Variants in IFT88 observed in about 807,000 individuals in gnomAD.
IFT88 encodes the protein intraflagellar transport protein 88 homolog.
Under a neutral mutation model 119.5 loss-of-function variants are expected in IFT88, and 74 were observed. The ratio of observed to expected loss-of-function variants is 0.62; its 90% CI spans 0.51 to 0.75. The LOEUF is 0.75. Among genes scored for constraint, IFT88 ranks in the 30% least tolerant of loss-of-function variants. The probability of loss-of-function intolerance (pLI) is 0.00; values close to 1 mark genes in which losing one functional copy is unlikely to be tolerated. For synonymous variants in IFT88, 279 were observed against 316.7 expected, an observed-to-expected ratio of 0.88 and a Z score of 1.26; for missense variants, 961 against 977.7, an observed-to-expected ratio of 0.98 and a Z score of 0.23.
Position 20,597,056 on chromosome 13 carries a change from C to A in IFT88, c.531C>A (p.Val177=). 1 of 1,608,226 alleles carries A rather than the reference C, an allele frequency of 6.2e-7. No individual in the cohort carries two copies. The highest frequency in any genetic ancestry group is 8.5e-7 in the Non-Finnish European group (1 of 1,177,156). The change falls in exon 9 of 26, where the codon GTC becomes GTA. Residue 177 remains valine, a synonymous_variant. Transcript: ENST00000351808. ...AAGATGCAGGAAGAAAAGAGAGAGT[C>A]CTGGTGAGACAGCGAGAACAAGTTA... The part of the protein sequence containing the change: ...KAKDAGRKER[V]LVRQREQVTT...
In IFT88 at chr13:20,601,895, C is replaced by T. The variant is rs774983378; in HGVS notation, c.1003C>T (p.Pro335Ser). 7 of 1,604,656 alleles carry T rather than the reference C, an allele frequency of 4.4e-6. No individual in the cohort carries two copies. Among genetic ancestry groups the T allele is most frequent in the Non-Finnish European group, 5.1e-6 (6 of 1,171,688 alleles). ...KKAFQKLITVPLEIDEDKYIS... is the reference protein window; with the variant it reads ...KKAFQKLITVSLEIDEDKYIS... The stretch of plus-strand genomic sequence containing the variant: ...GGCATTCCAAAAATTGATTACTGTT[C>T]CATTAGAAATTGATGAAGATAAATA... The change falls in exon 12 of 26, where the codon CCA (proline) becomes TCA (serine). Residue 335 changes from proline to serine, a missense_variant. Pro to Ser is a moderately conservative substitution (Grantham distance 74). Transcript: ENST00000351808.
chr13:20,604,018 A>G (rs1178207691), intron 12 of IFT88, among the ~76,000 whole-genome samples: 2 of 152,198 alleles, frequency 1.3e-5, no homozygotes, highest in Non-Finnish European at 2.9e-5. Flanking sequence ...TTGTGATCAC[A>G]ACATTGCTCT....
At chr13:20,664,505 G>C (rs983169138) in intron 23 of IFT88, among the ~76,000 whole-genome samples, 2 of 152,154 alleles carry the variant, frequency 1.3e-5, no homozygotes, top group African/African-American at 4.8e-5. Flanking sequence ...AACACTGTGA[G>C]CCCCATAATG....
At chr13:20,674,439 A>G (rs1016672573) in intron 24 of IFT88, among the ~76,000 whole-genome samples, 3 of 151,918 alleles carry the variant, frequency 2.0e-5, no homozygotes, top group African/African-American at 7.3e-5. Context: ...GCATTTTGTG[A>G]CTTATTTTGA....
intron 22 of IFT88, among the ~76,000 whole-genome samples, chr13:20,657,191 A>G (rs34671979): frequency 0.012 from 1,796 of 152,348 alleles, 12 homozygotes; most frequent in South Asian, 0.035. Flanking sequence ...ATTTTAAAAC[A>G]TTATGTTAAT....
chr13:20,572,730 C>T (rs891620613), intron 1 of IFT88, among the ~76,000 whole-genome samples: 1 of 152,154 alleles, frequency 6.6e-6, no homozygotes, highest in African/African-American at 2.4e-5. Context: ...AGATACAGAA[C>T]ATTTATCATC....
chr13:20,576,825 C>T (rs2138062554), intron 2 of IFT88, among the ~76,000 whole-genome samples: 1 of 152,196 alleles, frequency 6.6e-6, no homozygotes, highest in Non-Finnish European at 1.5e-5. Flanking sequence ...TCTTTTTGCT[C>T]AGGACAGCTT....
intron 24 of IFT88, among the ~76,000 whole-genome samples, chr13:20,672,233 A>G (rs1197091459): frequency 6.6e-6 from 1 of 152,170 alleles, no homozygotes; most frequent in African/African-American, 2.4e-5. Context: ...GTAGGCAGTT[A>G]CAGCCATCAG....
chr13:20,670,695 G>C (rs2055666781), intron 23 of IFT88, among the ~76,000 whole-genome samples: 1 of 151,678 alleles, frequency 6.6e-6, no homozygotes, highest in African/African-American at 2.4e-5. Flanking sequence ...AGAAAATACT[G>C]TTTAGTTTTG....
intron 24 of IFT88, among the ~76,000 whole-genome samples, chr13:20,685,248 G>A (rs1372479893): frequency 2.6e-5 from 4 of 152,102 alleles, no homozygotes; most frequent in Non-Finnish European, 5.9e-5. Flanking sequence ...TTCCGCTCCC[G>A]GGGGTGGGGG....
At chr13:20,593,072 G>A (rs1364120170) in intron 7 of IFT88, among the ~76,000 whole-genome samples, 1 of 152,038 alleles carries the variant, frequency 6.6e-6, no homozygotes, top group African/African-American at 2.4e-5. Flanking sequence ...GACATTTCAA[G>A]GGAAAAAATT....
At chr13:20,636,319 G>T (rs1345137572) in intron 16 of IFT88, among the ~76,000 whole-genome samples, 1 of 152,192 alleles carries the variant, frequency 6.6e-6, no homozygotes, top group Non-Finnish European at 1.5e-5. Context: ...CACCATCTGA[G>T]AATCTTGTGC....
chr13:20,643,091 G>A (rs1945178113), intron 18 of IFT88, among the ~76,000 whole-genome samples: 1 of 150,802 alleles, frequency 6.6e-6, no homozygotes, highest in African/African-American at 2.4e-5. Flanking sequence ...AAAAACACAT[G>A]GAAATAATTT....
intron 16 of IFT88, among the ~76,000 whole-genome samples, chr13:20,634,794 ATTTC>A (rs928233251): frequency 2.0e-4 from 18 of 91,346 alleles, no homozygotes; most frequent in African/African-American, 6.0e-4. Context: ...TGATCCAAAG[ATTTC>A]TTTATTTTTT....
At chr13:20,647,377 G>T (rs2050910756) in intron 20 of IFT88, among the ~76,000 whole-genome samples, 1 of 152,092 alleles carries the variant, frequency 6.6e-6, no homozygotes, top group Non-Finnish European at 1.5e-5. Context: ...AGAAGTGAGA[G>T]TATTAGTTCT....
intron 15 of IFT88, among the ~76,000 whole-genome samples, chr13:20,629,994 A>G (rs547602869): frequency 5.3e-4 from 80 of 152,266 alleles, no homozygotes; most frequent in Admixed American, 1.3e-3. Flanking sequence ...CTTGGTTAGG[A>G]TTATCTCAGA....
intron 16 of IFT88, among the ~76,000 whole-genome samples, chr13:20,633,932 T>C (rs150262484): frequency 6.6e-6 from 1 of 152,340 alleles, no homozygotes; most frequent in Non-Finnish European, 1.5e-5. Context: ...CCCAGTGAGC[T>C]GGGTTCACCT....
chr13:20,664,412 A>G (rs1413298140), intron 23 of IFT88, among the ~76,000 whole-genome samples: 1 of 152,174 alleles, frequency 6.6e-6, no homozygotes, highest in Non-Finnish European at 1.5e-5. Flanking sequence ...TACATTGTAC[A>G]TTCATTAGTG....
At chr13:20,589,289 C>T (rs1054808439) in intron 3 of IFT88, among the ~76,000 whole-genome samples, 1 of 152,182 alleles carries the variant, frequency 6.6e-6, no homozygotes, top group Non-Finnish European at 1.5e-5. Context: ...TTCTGCCTAA[C>T]AACTAACATT....
Sources: gnomAD v4.1 joint callset for allele counts (sites outside exome capture counted in the v4.1 genomes callset) on GRCh38, gnomAD v4.1.1 for gene constraint, MANE v1.5 for transcripts, NCBI Gene and HGNC (gene_info 2026-07-23, HGNC 2026-07-21) for gene names.